ERCC3: variants seen among roughly 807,000 people sequenced by gnomAD.
ERCC3 encodes ERCC excision repair 3, TFIIH core complex helicase subunit.
A neutral mutation model predicts 94.2 loss-of-function variants in ERCC3; 66 were observed. The observed-to-expected ratio is 0.70, with a 90% CI of 0.57 to 0.86. The LOEUF (loss-of-function observed/expected upper bound fraction) is 0.86. Ranked by LOEUF, ERCC3 falls within the 40% of genes least tolerant of loss-of-function variation. ERCC3 has a pLI of 0.00. For missense variants in ERCC3, 829 were observed against 987.1 expected (o/e 0.84, Z 2.15); for synonymous variants, 349 against 369.1 (o/e 0.95, Z 0.63).
Position 127,292,670 on chromosome 2 carries a change from G to A in ERCC3, c.411C>T (p.Thr137=), listed in dbSNP as rs774188273. The A allele has an allele frequency of 1.9e-6, 3 of 1,614,028 alleles. No individual in the cohort carries two copies. Among genetic ancestry groups the A allele is most frequent in the South Asian group, 2.2e-5 (2 of 91,080 alleles). ...TCTTGCTGAGCTTCCTGAGGTACTC[G>A]GTGATGTCACTGGTTTGCAGCCCAA... ...VSVGLQTSDI[T]EYLRKLSKTG... The change falls in exon 3 of 15, where the codon ACC becomes ACT. Residue 137 remains threonine (T), a synonymous_variant. Coordinates refer to ENST00000285398, the MANE Select transcript of ERCC3 (RefSeq NM_000122.2).
At chr2:127,292,470 G>C (rs780448808) in intron 3 of ERCC3, 140 bp downstream of exon 3, 533 of 767,726 alleles carry the variant, frequency 6.9e-4, no homozygotes, top group Non-Finnish European at 1.1e-3. Context: ...GTAGCGGCTG[G>C]GGTAATCAGT....
Position 127,257,719 on chromosome 2 carries a change from C to T in ERCC3, c.2226G>A (p.Arg742=), listed in dbSNP as rs376593226. The T allele has an allele frequency of 3.3e-4, 526 of 1,614,056 alleles. 1 individual carries two copies. The highest frequency in any genetic ancestry group is 4.2e-4 in the Non-Finnish European group (497 of 1,180,040). Residue 742 remains arginine (R), a synonymous_variant, in exon 15 of 15, where the codon CGG becomes CGA. Transcript: ENST00000285398. This position sits in a 1 kb window ranked among gnomAD's most constrained non-coding sequence, Gnocchi z 5.4. The stretch of plus-strand genomic sequence containing the variant: ...ACATAGAACTCATGGTGCCAAAGCG[C>T]CGAGATGCCTGCCGGGAAGGGGGAA... ...EFGSRSSQAS[R]RFGTMSSMSG...
At chr2:127,262,678 G>C (rs895504665) in intron 12 of ERCC3, 2 of 152,188 alleles carry the variant, frequency 1.3e-5, no homozygotes, top group African/African-American at 4.8e-5. Flanking sequence ...GCATGGATGA[G>C]GGTTTCTTTT....
At chr2:127,287,075 C>T (rs966411147) in intron 7 of ERCC3, 58 bp from the exon 8 acceptor site, 5 of 1,372,838 alleles carry the variant, frequency 3.6e-6, no homozygotes, top group Non-Finnish European at 5.1e-6. Context: ...AGGACAGGGA[C>T]AGGCAGAATG....
intron 12 of ERCC3, among the ~76,000 whole-genome samples, chr2:127,269,417 C>CT (rs70985445): frequency 0.037 from 4,226 of 113,554 alleles, 313 homozygotes; most frequent in African/African-American, 0.11. Context: ...ATTCTATTCA[C>CT]TTTTTTTTTT....
Position 127,291,547 on chromosome 2 carries a change from C to T in ERCC3, c.471+1063G>A, listed in dbSNP as rs967292607. On this transcript the variant is annotated intron_variant, in intron 3 of 14. Coordinates refer to ENST00000285398, the MANE Select transcript of ERCC3 (RefSeq NM_000122.2). This position sits in a 1 kb window ranked among gnomAD's most constrained non-coding sequence, Gnocchi z 4.9. The stretch of plus-strand genomic sequence containing the variant: ...AAGTGCTGGGATTACAGGAGTGAGC[C>T]ACTGCACCTGGCCGGGCACGCTTTC... Among the ~76,000 whole-genome samples the T allele has an allele frequency of 1.3e-5, 2 of 152,022 alleles. No individual in the cohort carries two copies. The highest frequency in any genetic ancestry group is 2.9e-5 in the Non-Finnish European group (2 of 67,992).
chr2:127,292,902 T>A, intron 2 of ERCC3, 56 bp from the exon 3 acceptor site: 2 of 1,115,718 alleles, frequency 1.8e-6, no homozygotes, highest in East Asian at 4.7e-5. Context: ...CAGAGACTAC[T>A]GGGCTCTTGC....
At chr2:127,269,953 G>A (rs919303609) in intron 12 of ERCC3, among the ~76,000 whole-genome samples, 4 of 152,090 alleles carry the variant, frequency 2.6e-5, no homozygotes, top group African/African-American at 9.7e-5. Context: ...CCCAGTAGAT[G>A]GAGGTTGCAG....
In ERCC3 at chr2:127,259,456, G is replaced by A. The variant is rs1684126263; in HGVS notation, c.2065-8C>T. ...AGCGAGTTTCGTGATCACCTGCAAA[G>A]CCCAAGCCAGCAGACATGCCCCTTT... On this transcript the variant is annotated splice_polypyrimidine_tract_variant and splice_region_variant and intron_variant, in intron 13 of 14. Transcript: ENST00000285398. The surrounding 1 kb of genome is among the most constrained non-coding windows in gnomAD (Gnocchi z 4.9). The A allele has an allele frequency of 4.3e-6, 7 of 1,614,092 alleles. No homozygotes were observed. The highest frequency in any genetic ancestry group is 5.1e-6 in the Non-Finnish European group (6 of 1,180,018).
At chr2:127,268,616 T>C (rs1684455018) in intron 12 of ERCC3, among the ~76,000 whole-genome samples, 3 of 152,182 alleles carry the variant, frequency 2.0e-5, no homozygotes, top group Admixed American at 2.0e-4. Flanking sequence ...CAATCTCTTC[T>C]GACTTGTAAA....
chr2:127,259,385 G>C lies in ERCC3; in HGVS notation c.2128C>G (p.Gln710Glu), dbSNP rs558588910. The change falls in exon 14 of 15, where the codon CAG becomes GAG. Residue 710 changes from glutamine (Q) to glutamate (E), a missense_variant. Physicochemically the swap from Gln to Glu is conservative, Grantham distance 29 (BLOSUM62 2). Transcript: ENST00000285398. The surrounding 1 kb of genome is among the most constrained non-coding windows in gnomAD (Gnocchi z 4.9). ...GCCAGGACTTTCTGTAAGAGCTGCT[G>C]TTGCTCTTCTTTTGTCGAAAACGCC... ...DLAFSTKEEQQQLLQKVLAAT... is the reference protein window; with the variant it reads ...DLAFSTKEEQEQLLQKVLAAT... 1.2e-6 allele frequency: 2 copies of C among 1,614,218 alleles called. No homozygotes were observed. Among genetic ancestry groups the C allele is most frequent in the East Asian group, 4.5e-5 (2 of 44,880 alleles).
chr2:127,293,959 C>T (rs889224865), intron 1 of ERCC3, 95 bp downstream of exon 1: 3 of 1,549,886 alleles, frequency 1.9e-6, no homozygotes, highest in African/African-American at 2.7e-5. Flanking sequence ...CCAGCAGGGT[C>T]GGCCGGCGCA....
intron 10 of ERCC3, among the ~76,000 whole-genome samples, chr2:127,276,565 G>T (rs74877540): frequency 6.6e-6 from 1 of 151,846 alleles, no homozygotes; most frequent in African/African-American, 2.4e-5. Context: ...CTCAATACAA[G>T]GGTTAGAAGA....
intron 8 of ERCC3, among the ~76,000 whole-genome samples, chr2:127,283,894 AT>A (rs1263917839): frequency 6.6e-6 from 1 of 152,050 alleles, no homozygotes; most frequent in Non-Finnish European, 1.5e-5. Flanking sequence ...TCTTTGGCCT[AT>A]TTCTTAACCT....
chr2:127,259,074 G>A lies in ERCC3; in HGVS notation c.2217+222C>T, dbSNP rs928627810. Among the ~76,000 whole-genome samples the A allele has an allele frequency of 8.5e-5, 13 of 152,150 alleles. No homozygotes were observed. Among genetic ancestry groups the A allele is most frequent in the African/African-American group, 3.1e-4 (13 of 41,424 alleles). On this transcript the variant is annotated intron_variant, in intron 14 of 14. Coordinates refer to ENST00000285398, the MANE Select transcript of ERCC3 (RefSeq NM_000122.2). The surrounding 1 kb of genome is among the most constrained non-coding windows in gnomAD (Gnocchi z 4.9). ...AAATACTCGTGTGAGCAAAGCAGGAGACCAGTCACAGCCACTGTGAGCTCA... is the reference window on the plus strand; with the variant it reads ...AAATACTCGTGTGAGCAAAGCAGGAAACCAGTCACAGCCACTGTGAGCTCA...
rs1240725416 is a variant in ERCC3, at chr2:127,259,489, C to T, written c.2065-41G>A. The T allele has an allele frequency of 6.2e-7, 1 of 1,612,890 alleles. No homozygotes were observed. The highest frequency in any genetic ancestry group is 1.7e-5 in the Admixed American group (1 of 60,024). ...CAGCAGACATGCCCCTTTCTGCTCT[C>T]TCTCCCCAGCCCTCCTCTGCCTTCT... On this transcript the variant is annotated intron_variant, in intron 13 of 14. Coordinates refer to ENST00000285398, the MANE Select transcript of ERCC3 (RefSeq NM_000122.2). The surrounding 1 kb of genome is among the most constrained non-coding windows in gnomAD (Gnocchi z 4.9).
chr2:127,288,506 C>T (rs1450592559), intron 7 of ERCC3, among the ~76,000 whole-genome samples, 154 bp downstream of exon 7: 2 of 152,166 alleles, frequency 1.3e-5, no homozygotes, highest in Non-Finnish European at 2.9e-5. Flanking sequence ...ACAGCAAGCA[C>T]TCAAATATTT....
rs373822531 is a variant in ERCC3, at chr2:127,275,211, T to C, written c.1731-2250A>G. Among the ~76,000 whole-genome samples, 2 of 152,000 alleles carry C rather than the reference T, an allele frequency of 1.3e-5. 1 individual carries two copies. Among genetic ancestry groups the C allele is most frequent in the Non-Finnish European group, 2.9e-5 (2 of 68,018 alleles). Reference sequence around the variant, plus strand: ...GAGAGCCACAGGATCACTTTTTTTTTAAAGGATGGGGTCTCACTATATTGC... The same window carrying C: ...GAGAGCCACAGGATCACTTTTTTTTCAAAGGATGGGGTCTCACTATATTGC... On this transcript the variant is annotated intron_variant, in intron 10 of 14. Transcript: ENST00000285398.
At chr2:127,289,074 A>G (rs562672226) in intron 6 of ERCC3, among the ~76,000 whole-genome samples, 1 of 152,314 alleles carries the variant, frequency 6.6e-6, no homozygotes, top group East Asian at 1.9e-4. Context: ...AGCAGGCAAA[A>G]TTGACCTTCA....
Sources: gnomAD v4.1 joint callset for allele counts (sites outside exome capture counted in the v4.1 genomes callset) on GRCh38, gnomAD v4.1.1 for gene constraint, Gnocchi (gnomAD v3.1) non-coding constraint, MANE v1.5 for transcripts, NCBI Gene and HGNC (gene_info 2026-07-23, HGNC 2026-07-21) for gene names.